Variants in ADK observed in about 807,000 individuals in gnomAD.
The protein encoded by ADK is N6,N6-dimethyladenosine kinase.
In ADK, 24 loss-of-function variants were observed where a neutral mutation model predicts 44.7. That is an observed-to-expected ratio of 0.54 (90% CI 0.39 to 0.76). The LOEUF (loss-of-function observed/expected upper bound fraction) is 0.76. Among genes scored for constraint, ADK ranks in the 30% least tolerant of loss-of-function variants. ADK has a pLI of 0.00. For missense variants in ADK, 321 were observed against 425.1 expected, an observed-to-expected ratio of 0.76 and a Z score of 2.15; for synonymous variants, 128 against 142.6, an observed-to-expected ratio of 0.90 and a Z score of 0.73.
At chr10:74,665,229 A>G (rs1037957030) in intron 9 of ADK, among the ~76,000 whole-genome samples, 1 of 152,238 alleles carries the variant, frequency 6.6e-6, no homozygotes, top group African/African-American at 2.4e-5. Flanking sequence ...AATTATTTCT[A>G]AATAGTTTTT....
chr10:74,160,706 T>C (rs1380376766), intron 1 of ADK, among the ~76,000 whole-genome samples: 1 of 149,684 alleles, frequency 6.7e-6, no homozygotes, highest in Non-Finnish European at 1.5e-5. Context: ...TGTGTGTGTG[T>C]GTGTGTGTGT....
chr10:74,343,027 G>A (rs1158180901), intron 4 of ADK, among the ~76,000 whole-genome samples: 1 of 152,164 alleles, frequency 6.6e-6, no homozygotes, highest in Non-Finnish European at 1.5e-5. Context: ...GTGAACAGAA[G>A]TGGCAAGAAG....
At chr10:74,489,423 G>T (rs932331613) in intron 6 of ADK, among the ~76,000 whole-genome samples, 4 of 151,922 alleles carry the variant, frequency 2.6e-5, no homozygotes, top group African/African-American at 9.7e-5. Flanking sequence ...TAGAATAACA[G>T]CTCAATGACT....
In ADK at chr10:74,173,056, T is replaced by G. The variant is rs549408716; in HGVS notation, c.65+21713T>G. Among the ~76,000 whole-genome samples, 87 of 152,176 alleles carry G rather than the reference T, an allele frequency of 5.7e-4. 1 individual carries two copies. Among genetic ancestry groups the G allele is most frequent in the South Asian group, 4.8e-3 (23 of 4,830 alleles). On this transcript the variant is annotated intron_variant, in intron 1 of 10. Coordinates refer to ENST00000539909, the MANE Select transcript of ADK (RefSeq NM_006721.4). ...TTAGTATATTTGTTAAAAAATAAAGTTTTAAGACTACCTGTTTTGGTATCA... is the reference window on the plus strand; with the variant it reads ...TTAGTATATTTGTTAAAAAATAAAGGTTTAAGACTACCTGTTTTGGTATCA...
At chr10:74,313,637 G>C (rs1267516762) in intron 3 of ADK, among the ~76,000 whole-genome samples, 1 of 151,442 alleles carries the variant, frequency 6.6e-6, no homozygotes, top group Admixed American at 6.6e-5. Context: ...CCAAGTATGG[G>C]GTCCTAGTCC....
chr10:74,699,848 C>G (rs1014940301), intron 10 of ADK, among the ~76,000 whole-genome samples: 3 of 151,950 alleles, frequency 2.0e-5, no homozygotes, highest in Admixed American at 2.0e-4. Flanking sequence ...TATTTCTAAC[C>G]CATCGGACTG....
chr10:74,674,813 C>G (rs1231289124), intron 10 of ADK, among the ~76,000 whole-genome samples: 1 of 152,110 alleles, frequency 6.6e-6, no homozygotes, highest in Admixed American at 6.6e-5. Context: ...ACCCAGGAGG[C>G]AGAGGTTGCA....
At chr10:74,228,078 A>G (rs192123146) in intron 3 of ADK, among the ~76,000 whole-genome samples, 15 of 152,332 alleles carry the variant, frequency 9.8e-5, no homozygotes, top group Admixed American at 7.2e-4. Flanking sequence ...ATATTAATGA[A>G]TATTAAGTAT....
intron 10 of ADK, among the ~76,000 whole-genome samples, chr10:74,682,442 T>G (rs1014883407): frequency 6.6e-6 from 1 of 152,218 alleles, no homozygotes; most frequent in Admixed American, 6.5e-5. Flanking sequence ...TCTCAGTTGC[T>G]CACTTTATGT....
chr10:74,628,137 A>T (rs539437386), intron 9 of ADK, among the ~76,000 whole-genome samples: 26 of 152,194 alleles, frequency 1.7e-4, no homozygotes, highest in Non-Finnish European at 3.4e-4. Flanking sequence ...TGTGACATTT[A>T]ATCTGGGATC....
intron 3 of ADK, among the ~76,000 whole-genome samples, chr10:74,233,796 G>A (rs1844866365): frequency 6.6e-6 from 1 of 152,132 alleles, no homozygotes; most frequent in Non-Finnish European, 1.5e-5. Context: ...TATAGCTTCT[G>A]AATTTCTAGC....
At chr10:74,511,574 G>T (rs992359207) in intron 6 of ADK, among the ~76,000 whole-genome samples, 1 of 152,060 alleles carries the variant, frequency 6.6e-6, no homozygotes, top group African/African-American at 2.4e-5. Flanking sequence ...TGTAAATGAG[G>T]TTGCCTTTTT....
At chr10:74,505,649 C>T (rs1848043808) in intron 6 of ADK, among the ~76,000 whole-genome samples, 1 of 151,416 alleles carries the variant, frequency 6.6e-6, no homozygotes, top group African/African-American at 2.4e-5. Flanking sequence ...TTTTTTTGGG[C>T]TTGATGGCTT....
rs531555215 is a variant in ADK, at chr10:74,168,212, G to A, written c.65+16869G>A. Among the ~76,000 whole-genome samples, 11 of 152,268 alleles carry A rather than the reference G, an allele frequency of 7.2e-5. No homozygotes were observed. In the South Asian group the frequency reaches 8.3e-4, roughly 11 times the overall value. On this transcript the variant is annotated intron_variant, in intron 1 of 10. Coordinates refer to ENST00000539909, the MANE Select transcript of ADK (RefSeq NM_006721.4). ...GTCTCCTGTAGTAGAACAGATGCTC[G>A]ATAAATATTTGTTGAGTTAATGAAT...
chr10:74,559,588 T>A (rs901721383), intron 7 of ADK, among the ~76,000 whole-genome samples: 29 of 152,188 alleles, frequency 1.9e-4, no homozygotes, highest in African/African-American at 6.8e-4. Flanking sequence ...AAAGGAAAAT[T>A]TAACTTTTGA....
chr10:74,440,543 T>C (rs10824181), intron 6 of ADK, among the ~76,000 whole-genome samples: 92,381 of 152,008 alleles, frequency 0.61, 30,462 homozygotes, highest in Middle Eastern at 0.78. Context: ...TGAGATATCT[T>C]ATTATTTGTT....
chr10:74,563,515 A>G (rs749211432), intron 7 of ADK, among the ~76,000 whole-genome samples: 6 of 152,242 alleles, frequency 3.9e-5, no homozygotes, highest in Non-Finnish European at 8.8e-5. Context: ...AGCACATACA[A>G]TAGGTATATT....
At chr10:74,227,987 A>G (rs1844609845) in intron 3 of ADK, among the ~76,000 whole-genome samples, 1 of 152,182 alleles carries the variant, frequency 6.6e-6, no homozygotes, top group South Asian at 2.1e-4. Flanking sequence ...TCTGGACTGG[A>G]CAGCAGAGTG....
intron 3 of ADK, among the ~76,000 whole-genome samples, chr10:74,283,589 C>T (rs1382996958): frequency 6.8e-6 from 1 of 147,060 alleles, no homozygotes; most frequent in Non-Finnish European, 1.5e-5. Flanking sequence ...ACTCTCAAAT[C>T]TTACCCCTCT....
Sources: allele counts gnomAD v4.1 joint callset (sites outside exome capture counted in the v4.1 genomes callset), GRCh38; gene constraint gnomAD v4.1.1; transcripts MANE v1.5; gene names NCBI Gene and HGNC (gene_info 2026-07-23, HGNC 2026-07-21).